The following TRMT11 variants were observed in gnomAD, a reference collection of about 807,000 sequenced individuals.
TRMT11 encodes tRNA (guanine(10)-N(2))-methyltransferase TRMT11.
Under a neutral mutation model 62.8 loss-of-function variants are expected in TRMT11, and 53 were observed. The observed-to-expected ratio is 0.84, with a 90% CI of 0.68 to 1.06. The LOEUF (loss-of-function observed/expected upper bound fraction) is 1.06. Ranked by LOEUF, TRMT11 falls within the 50% of genes least tolerant of loss-of-function variation. The probability of loss-of-function intolerance (pLI) is 0.00; values close to 1 mark genes in which losing one functional copy is unlikely to be tolerated. For synonymous variants in TRMT11, 188 were observed against 190.3 expected, an observed-to-expected ratio of 0.99 and a Z score of 0.10; for missense variants, 556 against 553.4, an observed-to-expected ratio of 1.00 and a Z score of -0.05.
At chr6:126,258,131 CTGCTCCATGATCCACTCCTCCAGGT>C in the TRMT11 span, 1 of 827,388 alleles carries the variant, frequency 1.2e-6, no homozygotes, top group Non-Finnish European at 2.1e-6. Context: ...GTTGTGTCAG[CTGCTCCATGATCCACTCCTCCAGGT>C]TGAGGCACTT....
intron 17 of TRMT11, among the ~76,000 whole-genome samples, chr6:126,096,248 TGG>T (rs1777338670): frequency 3.3e-5 from 5 of 152,172 alleles, no homozygotes; most frequent in Admixed American, 6.5e-5. Flanking sequence ...TTAACCTGAT[TGG>T]TAAAGTGGTG....
the TRMT11 span, among the ~76,000 whole-genome samples, chr6:126,223,421 G>C: frequency 7.5e-6 from 1 of 133,996 alleles, no homozygotes; most frequent in Non-Finnish European, 1.5e-5. Flanking sequence ...ACTCCGTCTC[G>C]AAAAAACAAA....
chr6:126,168,555 G>A (rs1389877249), intron 21 of TRMT11, among the ~76,000 whole-genome samples: 1 of 152,186 alleles, frequency 6.6e-6, no homozygotes, highest in Non-Finnish European at 1.5e-5. Flanking sequence ...GTCTTGCTCT[G>A]TCACCCAGGC....
intron 18 of TRMT11, among the ~76,000 whole-genome samples, chr6:126,113,011 G>A (rs116898263): frequency 6.6e-6 from 1 of 152,118 alleles, no homozygotes; most frequent in Non-Finnish European, 1.5e-5. Flanking sequence ...TTGCATCTGA[G>A]TGGACAGGTC....
chr6:125,994,772 A>T (rs1231280940), intron 2 of TRMT11, among the ~76,000 whole-genome samples: 1 of 152,230 alleles, frequency 6.6e-6, no homozygotes, highest in East Asian at 1.9e-4. Flanking sequence ...CATAAAAAGG[A>T]ACGAGATCAT....
chr6:126,162,381 G>A (rs183151772), intron 21 of TRMT11, among the ~76,000 whole-genome samples: 2 of 152,254 alleles, frequency 1.3e-5, no homozygotes, highest in East Asian at 3.9e-4. Context: ...TAGATGTGTG[G>A]TGTTATTTTC....
intron 16 of TRMT11, among the ~76,000 whole-genome samples, chr6:126,045,802 G>A (rs1046652313): frequency 4.6e-5 from 7 of 152,110 alleles, no homozygotes; most frequent in Non-Finnish European, 8.8e-5. Context: ...GCACATCATG[G>A]TTGTTAAGGA....
chr6:126,175,494 C>T (rs1778375680), upstream of TRMT11, among the ~76,000 whole-genome samples: 3 of 152,244 alleles, frequency 2.0e-5, no homozygotes, highest in African/African-American at 7.2e-5. Flanking sequence ...AAAAACTGCC[C>T]TCAAATATCT....
At chr6:126,183,439 C>T (rs1377117867) in intron 1 of TRMT11, among the ~76,000 whole-genome samples, 1 of 152,116 alleles carries the variant, frequency 6.6e-6, no homozygotes, top group East Asian at 1.9e-4. Flanking sequence ...AATAAGCCAC[C>T]TCATGGAAAG....
At chr6:126,036,443 G>A (rs1775210077) in intron 12 of TRMT11, among the ~76,000 whole-genome samples, 1 of 152,006 alleles carries the variant, frequency 6.6e-6, no homozygotes, top group African/African-American at 2.4e-5. Flanking sequence ...CGGGGATGAG[G>A]GAGGCCTAGA....
At chr6:126,271,363 C>CAAAAAAAAAAAAA in the TRMT11 span, among the ~76,000 whole-genome samples, 4 of 36,272 alleles carry the variant, frequency 1.1e-4, no homozygotes, top group African/African-American at 3.1e-4. Flanking sequence ...GACTCCATCT[C>CAAAAAAAAAAAAA]AAAAAAAAAA....
In TRMT11 at chr6:126,068,206, G is replaced by A. The variant is rs1039257832; in HGVS notation, c.*1437+15016G>A. On this transcript the variant is annotated intron_variant and NMD_transcript_variant, in intron 17 of 22. Transcript: ENST00000648977. Reference sequence around the variant, plus strand: ...TTTTTAAAAAATATTCTGCATATGAGCCTTTCTTCTACTTGTATTATAGCT... The same window carrying A: ...TTTTTAAAAAATATTCTGCATATGAACCTTTCTTCTACTTGTATTATAGCT... Among the ~76,000 whole-genome samples, 4 of 151,866 alleles carry A rather than the reference G, an allele frequency of 2.6e-5. No homozygotes were observed. The East Asian group carries it at 7.7e-4, about 29-fold the overall frequency.
intron 21 of TRMT11, among the ~76,000 whole-genome samples, chr6:126,130,182 T>G (rs1777764611): frequency 6.6e-6 from 1 of 152,038 alleles, no homozygotes; most frequent in African/African-American, 2.4e-5. Flanking sequence ...TTTGTATATA[T>G]GAGAAAATAT....
chr6:126,168,812 C>G (rs569152144), intron 21 of TRMT11, among the ~76,000 whole-genome samples: 31 of 152,344 alleles, frequency 2.0e-4, no homozygotes, highest in African/African-American at 7.2e-4. Flanking sequence ...CCACCATGCC[C>G]TGCCATGAAA....
At chr6:126,122,518 T>G (rs1777661869) in intron 21 of TRMT11, among the ~76,000 whole-genome samples, 1 of 152,126 alleles carries the variant, frequency 6.6e-6, no homozygotes, top group Non-Finnish European at 1.5e-5. Context: ...CTGACCCACA[T>G]TGTTTGATTC....
intron 21 of TRMT11, among the ~76,000 whole-genome samples, chr6:126,170,491 G>T (rs924097877): frequency 3.9e-5 from 6 of 152,062 alleles, no homozygotes; most frequent in African/African-American, 1.4e-4. Context: ...GTTCAGTTCT[G>T]ATCACATTTT....
At chr6:126,068,267 A>G (rs938169048) in intron 17 of TRMT11, among the ~76,000 whole-genome samples, 28 of 152,120 alleles carry the variant, frequency 1.8e-4, no homozygotes, top group African/African-American at 6.0e-4. Flanking sequence ...GATAAGCAGA[A>G]GTTTTCATTT....
chr6:126,058,201 C>T (rs1226472677), intron 17 of TRMT11, among the ~76,000 whole-genome samples: 10 of 152,164 alleles, frequency 6.6e-5, no homozygotes, highest in South Asian at 2.1e-4. Flanking sequence ...TGAGAACATG[C>T]GGTGTTTGGT....
intron 1 of TRMT11, among the ~76,000 whole-genome samples, chr6:125,987,548 A>G (rs947082878): frequency 6.6e-6 from 1 of 152,202 alleles, no homozygotes; most frequent in Non-Finnish European, 1.5e-5. Flanking sequence ...CAGTTTGACA[A>G]CACTATGGAG....
Sources: gnomAD v4.1 joint callset for allele counts (sites outside exome capture counted in the v4.1 genomes callset) on GRCh38, gnomAD v4.1.1 for gene constraint, MANE v1.5 for transcripts, NCBI Gene and HGNC (gene_info 2026-07-23, HGNC 2026-07-21) for gene names.